SUGCT: variants seen among roughly 807,000 people sequenced by gnomAD.
SUGCT encodes succinyl-CoA:glutarate-CoA transferase, also known as succinyl-CoA:glutarate CoA-transferase.
A neutral mutation model predicts 55.0 loss-of-function variants in SUGCT; 41 were observed. That is an observed-to-expected ratio of 0.74 (90% CI 0.58 to 0.97). SUGCT has a LOEUF of 0.97. Ranked by LOEUF, SUGCT falls within the 50% of genes least tolerant of loss-of-function variation. The pLI is 0.00. For synonymous variants in SUGCT, 187 were observed against 200.4 expected, an observed-to-expected ratio of 0.93 and a Z score of 0.56; for missense variants, 568 against 547.8, an observed-to-expected ratio of 1.04 and a Z score of -0.37.
intron 1 of SUGCT, among the ~76,000 whole-genome samples, chr7:40,139,947 G>A (rs1488455368): frequency 1.3e-5 from 2 of 151,724 alleles, no homozygotes; most frequent in East Asian, 3.9e-4. Context: ...TTGTTGTCCA[G>A]GCTGGAGTGC....
intron 11 of SUGCT, among the ~76,000 whole-genome samples, chr7:40,463,999 C>T (rs1378010310): frequency 6.6e-6 from 1 of 152,116 alleles, no homozygotes. Context: ...ACCAGATCAG[C>T]ATTTTTGCAA....
the SUGCT span, among the ~76,000 whole-genome samples, chr7:40,994,788 G>A: frequency 6.6e-6 from 1 of 152,150 alleles, no homozygotes; most frequent in Non-Finnish European, 1.5e-5. Flanking sequence ...CATCCCTTTG[G>A]TGACAAGTGA....
intron 8 of SUGCT, among the ~76,000 whole-genome samples, chr7:40,309,487 G>A (rs1023128259): frequency 2.0e-5 from 3 of 152,074 alleles, no homozygotes; most frequent in Non-Finnish European, 2.9e-5. Flanking sequence ...TAGAGATGGG[G>A]TTTCATCATG....
chr7:40,715,067 GA>G (rs956813250), intron 12 of SUGCT, among the ~76,000 whole-genome samples: 3 of 148,602 alleles, frequency 2.0e-5, no homozygotes, highest in Admixed American at 1.3e-4. Context: ...GTTGTGTATG[GA>G]AAAAAAAAAT....
At chr7:40,390,113 T>G (rs1785342575) in intron 9 of SUGCT, among the ~76,000 whole-genome samples, 1 of 152,148 alleles carries the variant, frequency 6.6e-6, no homozygotes, top group Non-Finnish European at 1.5e-5. Flanking sequence ...CTCAATAAAG[T>G]AGGTATTGAT....
At chr7:40,253,716 T>C (rs1032600519) in intron 7 of SUGCT, among the ~76,000 whole-genome samples, 5 of 152,214 alleles carry the variant, frequency 3.3e-5, no homozygotes, top group Non-Finnish European at 7.3e-5. Flanking sequence ...ACAGAGGGTT[T>C]CGCCATGTTG....
At chr7:40,705,516 A>G (rs1030221440) in intron 12 of SUGCT, among the ~76,000 whole-genome samples, 1 of 134,886 alleles carries the variant, frequency 7.4e-6, no homozygotes, top group African/African-American at 3.0e-5. Flanking sequence ...CATTTGTTTT[A>G]CAAATCCCAT....
intron 12 of SUGCT, among the ~76,000 whole-genome samples, chr7:40,635,033 C>A (rs569422607): frequency 6.6e-6 from 1 of 152,272 alleles, no homozygotes; most frequent in Non-Finnish European, 1.5e-5. Flanking sequence ...CCCCTGCAAT[C>A]CCAGCACTTT....
intron 12 of SUGCT, among the ~76,000 whole-genome samples, chr7:40,713,875 C>T (rs1188344175): frequency 1.3e-5 from 2 of 152,206 alleles, no homozygotes; most frequent in African/African-American, 2.4e-5. Context: ...ATTCTCTTAA[C>T]CCTTTTGGAA....
At chr7:40,396,810 T>A (rs1339788544) in intron 9 of SUGCT, among the ~76,000 whole-genome samples, 1 of 152,192 alleles carries the variant, frequency 6.6e-6, no homozygotes, top group Non-Finnish European at 1.5e-5. Context: ...TCATTCTCCC[T>A]CTTTTGTAAA....
intron 9 of SUGCT, among the ~76,000 whole-genome samples, chr7:40,413,945 C>T (rs1786831320): frequency 6.6e-6 from 1 of 152,062 alleles, no homozygotes; most frequent in Non-Finnish European, 1.5e-5. Flanking sequence ...TCCATGACTG[C>T]ATTCTTTTTT....
At chr7:40,405,267 G>C (rs1214471112) in intron 9 of SUGCT, among the ~76,000 whole-genome samples, 1 of 152,178 alleles carries the variant, frequency 6.6e-6, no homozygotes, top group Non-Finnish European at 1.5e-5. Flanking sequence ...AGGAAATTCA[G>C]TGTTTTATGC....
intron 1 of SUGCT, among the ~76,000 whole-genome samples, chr7:40,155,162 G>C (rs764829144): frequency 2.6e-4 from 40 of 152,206 alleles, no homozygotes; most frequent in Non-Finnish European, 5.4e-4. Context: ...GCGCATGCCT[G>C]TAATTCCAGC....
intron 1 of SUGCT, among the ~76,000 whole-genome samples, chr7:40,179,245 C>G (rs1474195028): frequency 6.6e-6 from 1 of 152,004 alleles, no homozygotes; most frequent in African/African-American, 2.4e-5. Flanking sequence ...TGCGTTAAAA[C>G]AAGACTTTAT....
intron 12 of SUGCT, among the ~76,000 whole-genome samples, chr7:40,746,450 C>T (rs1205945360): frequency 6.6e-6 from 1 of 152,176 alleles, no homozygotes; most frequent in African/African-American, 2.4e-5. Context: ...TCCTTCTGAA[C>T]ACGGGGCTCA....
intron 1 of SUGCT, among the ~76,000 whole-genome samples, chr7:40,168,014 C>T (rs550129188): frequency 4.6e-5 from 7 of 152,334 alleles, no homozygotes; most frequent in African/African-American, 9.6e-5. Context: ...TGTCCCTTCC[C>T]CTGTGCTCTC....
chr7:40,776,391 G>A (rs896355809), intron 13 of SUGCT, among the ~76,000 whole-genome samples: 1 of 152,060 alleles, frequency 6.6e-6, no homozygotes, highest in Non-Finnish European at 1.5e-5. Context: ...TGTATTTTAG[G>A]ACATAAACCC....
chr7:40,160,839 C>A (rs1474994173), intron 1 of SUGCT, among the ~76,000 whole-genome samples: 1 of 151,848 alleles, frequency 6.6e-6, no homozygotes, highest in Non-Finnish European at 1.5e-5. Context: ...AGCAAACAAA[C>A]AAAAACTCCA....
intron 12 of SUGCT, among the ~76,000 whole-genome samples, chr7:40,673,227 C>T (rs1026934330): frequency 1.8e-4 from 27 of 152,108 alleles, no homozygotes; most frequent in African/African-American, 6.0e-4. Flanking sequence ...GTTTTCATTT[C>T]TTTGTTTCTT....
Sources: allele counts gnomAD v4.1 joint callset (sites outside exome capture counted in the v4.1 genomes callset), GRCh38; gene constraint gnomAD v4.1.1; transcripts MANE v1.5; gene names NCBI Gene and HGNC (gene_info 2026-07-23, HGNC 2026-07-21).